Variants in CRB1 observed in about 807,000 individuals in gnomAD.
CRB1 encodes the protein crumbs cell polarity complex component 1.
In CRB1, 83 loss-of-function variants were observed where a neutral mutation model predicts 120.0. The observed-to-expected ratio is 0.69, with a 90% confidence interval of 0.58 to 0.83. The LOEUF (loss-of-function observed/expected upper bound fraction) is 0.83, where lower values mean the gene tolerates loss of function less well. Among genes scored for constraint, CRB1 ranks in the 40% least tolerant of loss-of-function variants. The probability of loss-of-function intolerance (pLI) is 0.00; values close to 1 mark genes in which losing one functional copy is unlikely to be tolerated. For missense variants in CRB1, 1,699 were observed against 1,687.6 expected (o/e 1.01, Z -0.12); for synonymous variants, 625 against 612.5 (o/e 1.02, Z -0.30).
At position 197,336,047 on chromosome 1, in the gene CRB1, C is replaced by T. The variant is rs74136095; in HGVS notation, c.652+7044C>T. ...CCATATTGCCATGCAGTGTCTTTCA[C>T]GTACACAACTGCAACATATTTTACC... On this transcript the variant is annotated intron_variant, in intron 2 of 11. Coordinates refer to ENST00000367400, the MANE Select transcript of CRB1 (RefSeq NM_201253.3). 5.6e-3 allele frequency among the ~76,000 whole-genome samples: 853 copies of T among 152,338 alleles called. 6 individuals carry two copies. Among genetic ancestry groups the T allele is most frequent in the African/African-American group, 0.019 (801 of 41,558 alleles).
intron 5 of CRB1, among the ~76,000 whole-genome samples, chr1:197,401,025 G>A (rs562484373): frequency 6.6e-6 from 1 of 151,670 alleles, no homozygotes; most frequent in African/African-American, 2.4e-5. Context: ...ATTATATATA[G>A]TTTTGTATCC....
At chr1:197,415,246 C>A (rs1663918269) in intron 5 of CRB1, among the ~76,000 whole-genome samples, 1 of 152,266 alleles carries the variant, frequency 6.6e-6, no homozygotes, top group South Asian at 2.1e-4. Flanking sequence ...CTCTAATAAG[C>A]TTATGTGTCA....
At chr1:197,338,149 C>T (rs1185546718) in intron 2 of CRB1, among the ~76,000 whole-genome samples, 2 of 151,922 alleles carry the variant, frequency 1.3e-5, no homozygotes, top group African/African-American at 4.8e-5. Flanking sequence ...AAATGGGTTA[C>T]TCCAGCTTTT....
chr1:197,346,755 T>G (rs916751082), intron 3 of CRB1, among the ~76,000 whole-genome samples: 1 of 152,222 alleles, frequency 6.6e-6, no homozygotes, highest in Non-Finnish European at 1.5e-5. Flanking sequence ...AGTCATTCCG[T>G]TAATAATTAG....
At chr1:197,410,531 C>G (rs1158699715) in intron 5 of CRB1, among the ~76,000 whole-genome samples, 2 of 152,132 alleles carry the variant, frequency 1.3e-5, no homozygotes, top group Non-Finnish European at 2.9e-5. Context: ...GCACCTATGA[C>G]CTGGAACCAC....
At chr1:197,278,638 A>G (rs1483926154) in intron 1 of CRB1, among the ~76,000 whole-genome samples, 1 of 151,970 alleles carries the variant, frequency 6.6e-6, no homozygotes, top group Non-Finnish European at 1.5e-5. Context: ...TAAGCTTGAC[A>G]TCAATGGACT....
chr1:197,399,238 G>T (rs987526259), intron 5 of CRB1, among the ~76,000 whole-genome samples: 2 of 152,074 alleles, frequency 1.3e-5, no homozygotes, highest in African/African-American at 4.8e-5. Flanking sequence ...ACACTCTAAT[G>T]AATGTAGCAT....
intron 5 of CRB1, among the ~76,000 whole-genome samples, chr1:197,399,534 T>C (rs1366040299): frequency 6.6e-6 from 1 of 152,248 alleles, no homozygotes; most frequent in Non-Finnish European, 1.5e-5. Flanking sequence ...GAGATTATAA[T>C]GCTACTTTCC....
chr1:197,264,299 A>G (rs1654583763), upstream of CRB1, among the ~76,000 whole-genome samples: 1 of 152,234 alleles, frequency 6.6e-6, no homozygotes, highest in African/African-American at 2.4e-5. Context: ...CTGTAAAGAC[A>G]TGATTTCATT....
intron 1 of CRB1, among the ~76,000 whole-genome samples, chr1:197,327,758 T>A (rs1291688091): frequency 1.3e-5 from 2 of 152,236 alleles, no homozygotes; most frequent in Non-Finnish European, 1.5e-5. Flanking sequence ...CCCTAGCTCC[T>A]TGGAGGTGTC....
In CRB1 at chr1:197,328,473, A is replaced by G. The variant is rs1046198745; in HGVS notation, c.122A>G (p.Asn41Ser). The change falls in exon 2 of 12, where the codon AAC (asparagine) becomes AGC (serine). Residue 41 changes from asparagine to serine, a missense_variant. By Grantham distance (46) the Asn-to-Ser change is conservative (BLOSUM62 1). Transcript: ENST00000367400. ...NTRCLSNSCQ[N>S]NSTCKDFSKD... ...AGGTGCCTCTCAAATTCTTGCCAAA[A>G]CAATTCTACATGCAAAGATTTTTCA... 3 of 1,614,222 alleles carry G rather than the reference A, an allele frequency of 1.9e-6. No individual in the cohort carries two copies. Among genetic ancestry groups the G allele is most frequent in the Non-Finnish European group, 1.7e-6 (2 of 1,180,030 alleles).
intron 11 of CRB1, among the ~76,000 whole-genome samples, chr1:197,460,784 A>C (rs1666494715): frequency 6.6e-6 from 1 of 152,130 alleles, no homozygotes; most frequent in Non-Finnish European, 1.5e-5. Context: ...CCTACCAGAA[A>C]ATTCTAGAAG....
chr1:197,377,802 C>CT (rs1004776154), intron 5 of CRB1, among the ~76,000 whole-genome samples: 12 of 151,752 alleles, frequency 7.9e-5, no homozygotes, highest in Admixed American at 2.0e-4. Flanking sequence ...AAAATGAAAC[C>CT]TTTTTTTATG....
chr1:197,386,225 C>G (rs1276153724), intron 5 of CRB1, among the ~76,000 whole-genome samples: 1 of 152,032 alleles, frequency 6.6e-6, no homozygotes, highest in African/African-American at 2.4e-5. Context: ...CGTAATTGTT[C>G]TGTGCTAATA....
At chr1:197,279,864 A>G (rs946508215) in intron 1 of CRB1, among the ~76,000 whole-genome samples, 4 of 149,592 alleles carry the variant, frequency 2.7e-5, no homozygotes, top group Non-Finnish European at 4.4e-5. Context: ...AGAGGAGTCT[A>G]TGATTCATGT....
chr1:197,360,693 T>C (rs1273499311), intron 5 of CRB1, among the ~76,000 whole-genome samples: 1 of 152,256 alleles, frequency 6.6e-6, no homozygotes, highest in East Asian at 1.9e-4. Flanking sequence ...CTATGAGATC[T>C]AGGAATTTTC....
At chr1:197,430,817 AAAAT>A in intron 8 of CRB1, among the ~76,000 whole-genome samples, 1 of 152,298 alleles carries the variant, frequency 6.6e-6, no homozygotes, top group Admixed American at 6.5e-5. Flanking sequence ...AAATATTTGT[AAAAT>A]AAATAAATTG....
At chr1:197,378,116 C>G (rs1321368055) in intron 5 of CRB1, among the ~76,000 whole-genome samples, 1 of 152,136 alleles carries the variant, frequency 6.6e-6, no homozygotes, top group East Asian at 1.9e-4. Context: ...ATTTTTACTT[C>G]CTGACATCTC....
chr1:197,316,039 T>C (rs868315887), intron 1 of CRB1, among the ~76,000 whole-genome samples: 55 of 152,310 alleles, frequency 3.6e-4, no homozygotes, highest in Middle Eastern at 3.4e-3. Flanking sequence ...TTGCTACAGG[T>C]TTTGGTTTAA....
Sources: gnomAD v4.1 joint callset for allele counts (sites outside exome capture counted in the v4.1 genomes callset) on GRCh38, gnomAD v4.1.1 for gene constraint, MANE v1.5 for transcripts, NCBI Gene and HGNC (gene_info 2026-07-23, HGNC 2026-07-21) for gene names.